The following PTPRT variants were observed in gnomAD, a reference collection of about 807,000 sequenced individuals.
PTPRT encodes the protein protein tyrosine phosphatase receptor type T.
Under a neutral mutation model 176.8 loss-of-function variants are expected in PTPRT, and 56 were observed. The observed-to-expected ratio is 0.32, with a 90% CI of 0.26 to 0.40. The LOEUF (loss-of-function observed/expected upper bound fraction) is 0.40. PTPRT is among the 10% of genes least tolerant of loss of function. The probability of loss-of-function intolerance (pLI) is 1.00; values close to 1 mark genes in which losing one functional copy is unlikely to be tolerated. For synonymous variants in PTPRT, 783 were observed against 739.0 expected (o/e 1.06, Z -0.96); for missense variants, 1,540 against 1,908.2 (o/e 0.81, Z 3.60).
intron 1 of PTPRT, among the ~76,000 whole-genome samples, chr20:43,182,113 C>T (rs530486653): frequency 6.6e-6 from 1 of 152,238 alleles, no homozygotes; most frequent in Admixed American, 6.5e-5. Flanking sequence ...GAGACAAATG[C>T]GTGATCCCTA....
chr20:42,411,337 T>G (rs2059014340), intron 9 of PTPRT, among the ~76,000 whole-genome samples: 1 of 151,480 alleles, frequency 6.6e-6, no homozygotes, highest in Admixed American at 6.6e-5. Flanking sequence ...GCCAACTTGG[T>G]GAAACCCTGT....
chr20:43,144,054 A>G (rs1046207057), intron 1 of PTPRT, among the ~76,000 whole-genome samples: 2 of 152,170 alleles, frequency 1.3e-5, no homozygotes, highest in Admixed American at 1.3e-4. Context: ...AGGATGGGGC[A>G]CCATACTTCC....
the PTPRT span, among the ~76,000 whole-genome samples, chr20:42,040,273 A>G: frequency 1.3e-5 from 2 of 152,306 alleles, no homozygotes; most frequent in Middle Eastern, 6.8e-3. Flanking sequence ...AGGCTGTCTG[A>G]GCAGGTTCAG....
chr20:42,771,616 G>A (rs2077063988), intron 4 of PTPRT, 66 bp from the exon 5 acceptor site: 21 of 1,349,790 alleles, frequency 1.6e-5, no homozygotes, highest in Middle Eastern at 3.8e-4. Flanking sequence ...CCCTATTGGT[G>A]GATGGCAGCT....
intron 2 of PTPRT, among the ~76,000 whole-genome samples, chr20:42,826,210 G>T (rs1218936884): frequency 6.6e-6 from 1 of 152,124 alleles, no homozygotes; most frequent in Non-Finnish European, 1.5e-5. Context: ...CCCCCAATTA[G>T]CTCTGAGTAC....
rs1404862282 is a variant in PTPRT, at chr20:42,656,590, C to T, written c.1153+21276G>A. On this transcript the variant is annotated intron_variant, in intron 7 of 30. Transcript: ENST00000373187. ...TGTTGAAGGCAGGGTGAAAACTGAC[C>T]CAATTTTTGAAGAACTGTCTCAAAG... Among the ~76,000 whole-genome samples, 3 of 152,054 alleles carry T rather than the reference C, an allele frequency of 2.0e-5. No homozygotes were observed. In the East Asian group the frequency reaches 5.8e-4, roughly 29 times the overall value.
chr20:42,793,545 C>T (rs1179564997), intron 2 of PTPRT, among the ~76,000 whole-genome samples: 1 of 152,164 alleles, frequency 6.6e-6, no homozygotes, highest in African/African-American at 2.4e-5. Context: ...GGGAAGGAGC[C>T]ACTGGAAGTG....
chr20:42,113,586 G>T (rs951024734), intron 22 of PTPRT, among the ~76,000 whole-genome samples: 3 of 152,220 alleles, frequency 2.0e-5, no homozygotes, highest in Non-Finnish European at 2.9e-5. Context: ...GCCTTAAGGG[G>T]GACAACTCAC....
At chr20:42,035,136 G>A in the PTPRT span, among the ~76,000 whole-genome samples, 2 of 152,158 alleles carry the variant, frequency 1.3e-5, no homozygotes, top group Non-Finnish European at 2.9e-5. Context: ...GATCTGCTAA[G>A]TCCACATTCA....
intron 1 of PTPRT, among the ~76,000 whole-genome samples, chr20:42,972,676 C>CAAAAA (rs33947245): frequency 8.4e-4 from 65 of 77,568 alleles, no homozygotes; most frequent in South Asian, 2.0e-3. Context: ...TCTCAAAAAG[C>CAAAAA]AAAAAAAAAA....
At chr20:43,114,848 T>G (rs2012993466) in intron 1 of PTPRT, among the ~76,000 whole-genome samples, 1 of 152,162 alleles carries the variant, frequency 6.6e-6, no homozygotes, top group Admixed American at 6.5e-5. Context: ...AAAAATTAAA[T>G]TTAAATAAGT....
chr20:42,618,812 T>C (rs1420232174), intron 7 of PTPRT, among the ~76,000 whole-genome samples: 1 of 135,256 alleles, frequency 7.4e-6, no homozygotes, highest in Non-Finnish European at 1.6e-5. Context: ...CCTCCATCCT[T>C]TTATTTTGAG....
intron 9 of PTPRT, among the ~76,000 whole-genome samples, chr20:42,382,835 T>C (rs2145638673): frequency 6.6e-6 from 1 of 152,284 alleles, no homozygotes; most frequent in Admixed American, 6.5e-5. Context: ...GTGGTCACTA[T>C]TGCTCCTGAA....
chr20:42,717,904 C>T lies in PTPRT; in HGVS notation c.859+38558G>A, dbSNP rs187973707. Among the ~76,000 whole-genome samples the T allele has an allele frequency of 2.2e-4, 33 of 152,194 alleles. No homozygotes were observed. The East Asian group carries it at 4.5e-3, about 21-fold the overall frequency. On this transcript the variant is annotated intron_variant, in intron 6 of 30. Coordinates refer to ENST00000373187, the MANE Select transcript of PTPRT (RefSeq NM_007050.6). ...GTGTGTGTGCATGCGCGTGCACACG[C>T]GCATATGTAAAGGTTGCTCAATTTC...
intron 7 of PTPRT, among the ~76,000 whole-genome samples, chr20:42,575,892 C>T (rs1312767008): frequency 6.6e-6 from 1 of 152,138 alleles, no homozygotes; most frequent in Non-Finnish European, 1.5e-5. Flanking sequence ...CGCCTGCCTC[C>T]TCCATTCTGC....
chr20:43,179,351 C>T (rs1372131587), intron 1 of PTPRT, among the ~76,000 whole-genome samples: 1 of 152,132 alleles, frequency 6.6e-6, no homozygotes, highest in African/African-American at 2.4e-5. Flanking sequence ...TTATGGAGCC[C>T]ATTTTTAAAC....
rs540985697 is a variant in PTPRT at position 43,006,877 on chromosome 20, G to T, written c.89-120945C>A. 3.9e-5 allele frequency among the ~76,000 whole-genome samples: 6 copies of T among 152,238 alleles called. No individual in the cohort carries two copies. In the South Asian group the frequency reaches 1.2e-3, roughly 32 times the overall value. On this transcript the variant is annotated intron_variant, in intron 1 of 30. Coordinates refer to ENST00000373187, the MANE Select transcript of PTPRT (RefSeq NM_007050.6). ...AAGCTGATTAGAACTGCGAGGCAGGGTATAGTGTGGCAATGTAGAGTCTGC... is the reference window on the plus strand; with the variant it reads ...AAGCTGATTAGAACTGCGAGGCAGGTTATAGTGTGGCAATGTAGAGTCTGC...
intron 6 of PTPRT, among the ~76,000 whole-genome samples, chr20:42,699,327 G>C (rs182609232): frequency 6.6e-6 from 1 of 152,250 alleles, no homozygotes; most frequent in Admixed American, 6.5e-5. Context: ...TCAAGGCCCT[G>C]TTAATATTGC....
chr20:42,670,046 CAT>C (rs1479308814), intron 7 of PTPRT, among the ~76,000 whole-genome samples: 1 of 152,174 alleles, frequency 6.6e-6, no homozygotes, highest in Non-Finnish European at 1.5e-5. Flanking sequence ...CACACAGCCA[CAT>C]GTCTTACCTT....
Sources: gnomAD v4.1 joint callset for allele counts (sites outside exome capture counted in the v4.1 genomes callset) on GRCh38, gnomAD v4.1.1 for gene constraint, MANE v1.5 for transcripts, NCBI Gene and HGNC (gene_info 2026-07-23, HGNC 2026-07-21) for gene names.